Variants in FMN1 observed in about 807,000 individuals in gnomAD.
FMN1 encodes the protein formin-1.
In FMN1, 110 loss-of-function variants were observed where a neutral mutation model predicts 132.4. The ratio of observed to expected loss-of-function variants is 0.83; its 90% CI spans 0.71 to 0.97. The LOEUF is 0.97. FMN1 is among the 50% of genes least tolerant of loss of function. FMN1 has a pLI of 0.00. For missense variants in FMN1, 1,792 were observed against 1,705.3 expected, an observed-to-expected ratio of 1.05 and a Z score of -0.90; for synonymous variants, 722 against 651.7, an observed-to-expected ratio of 1.11 and a Z score of -1.64.
At chr15:32,786,312 A>C (rs770283925) in intron 19 of FMN1, among the ~76,000 whole-genome samples, 30 of 152,186 alleles carry the variant, frequency 2.0e-4, no homozygotes, top group Middle Eastern at 6.3e-3. Flanking sequence ...ATGGTGAATA[A>C]GGTTTCCGTG....
At chr15:32,978,425 G>GAT (rs2032385309) in intron 7 of FMN1, among the ~76,000 whole-genome samples, 1 of 152,014 alleles carries the variant, frequency 6.6e-6, no homozygotes, top group African/African-American at 2.4e-5. Flanking sequence ...TCACAAAATG[G>GAT]ATATATATCC....
intron 17 of FMN1, among the ~76,000 whole-genome samples, chr15:32,841,798 G>A (rs775403350): frequency 6.6e-6 from 1 of 152,194 alleles, no homozygotes; most frequent in Non-Finnish European, 1.5e-5. Flanking sequence ...ACGAGAACCA[G>A]AACAGATATG....
intron 19 of FMN1, among the ~76,000 whole-genome samples, chr15:32,787,337 C>A (rs2056913274): frequency 6.6e-6 from 1 of 152,192 alleles, no homozygotes; most frequent in South Asian, 2.1e-4. Flanking sequence ...TTATCCCAGG[C>A]AGGCCAACAA....
intron 16 of FMN1, among the ~76,000 whole-genome samples, chr15:32,864,146 CA>C (rs750363019): frequency 6.6e-6 from 1 of 152,144 alleles, no homozygotes; most frequent in Non-Finnish European, 1.5e-5. Flanking sequence ...AAAGGCCACA[CA>C]AAGGGAGGTT....
chr15:33,034,343 T>TCCA (rs1213181036), intron 6 of FMN1, among the ~76,000 whole-genome samples: 2 of 152,108 alleles, frequency 1.3e-5, no homozygotes, highest in African/African-American at 4.8e-5. Flanking sequence ...GGCCAAGGGT[T>TCCA]CCAGGAAGAC....
chr15:33,007,772 A>G (rs748162921), intron 7 of FMN1, among the ~76,000 whole-genome samples: 1 of 152,242 alleles, frequency 6.6e-6, no homozygotes, highest in Non-Finnish European at 1.5e-5. Context: ...TAAAAATAAA[A>G]TAATCATTTT....
chr15:32,838,475 A>G (rs2058675422), intron 17 of FMN1, among the ~76,000 whole-genome samples: 1 of 11,742 alleles, frequency 8.5e-5, no homozygotes, highest in Admixed American at 2.2e-3. Context: ...TAGCAGGCGC[A>G]GTGAATGCTC....
intron 4 of FMN1, among the ~76,000 whole-genome samples, chr15:33,140,159 A>C (rs896566164): frequency 3.3e-5 from 5 of 149,966 alleles, no homozygotes; most frequent in Admixed American, 2.0e-4. Flanking sequence ...AATAAAATTT[A>C]TTTTGTCCCT....
At chr15:32,948,587 T>A (rs1448166556) in intron 9 of FMN1, among the ~76,000 whole-genome samples, 1 of 152,084 alleles carries the variant, frequency 6.6e-6, no homozygotes, top group African/African-American at 2.4e-5. Flanking sequence ...GTGATCTACT[T>A]CTTGACTGTT....
intron 7 of FMN1, among the ~76,000 whole-genome samples, chr15:32,983,268 A>G (rs2032824036): frequency 6.6e-6 from 1 of 152,226 alleles, no homozygotes; most frequent in South Asian, 2.1e-4. Context: ...TCAACAGACT[A>G]TATATTGCAT....
rs116837790 is a variant in FMN1 at position 32,848,748 on chromosome 15, A to G, written c.3928+8267T>C. ...CAAAAAAAATTTGTTTACTATTTTA[A>G]GAGGTACTCACTGGTTAAAACACCC... On this transcript the variant is annotated intron_variant, in intron 17 of 20. Coordinates refer to ENST00000616417, the MANE Select transcript of FMN1 (RefSeq NM_001277313.2). Among the ~76,000 whole-genome samples, 278 of 152,346 alleles carry G rather than the reference A, an allele frequency of 1.8e-3. 1 individual carries two copies. The highest frequency in any genetic ancestry group is 6.4e-3 in the African/African-American group (266 of 41,586).
Position 32,827,846 on chromosome 15 carries a change from GA to G in FMN1, c.3929-23515del, listed in dbSNP as rs1049599419. ...GTGACAGAGCAAGACTCCGTCTCAA[GA>G]AAAAAAAAAAAAGGACATACAGATT... is the stretch of plus-strand genomic sequence containing the variant. On this transcript the variant is annotated intron_variant, in intron 17 of 20. Transcript: ENST00000616417. Among the ~76,000 whole-genome samples, 496 of 121,050 alleles carry G rather than the reference GA, an allele frequency of 4.1e-3. 2 individuals are homozygous for G. Among genetic ancestry groups the G allele is most frequent in the Middle Eastern group, 0.013 (3 of 228 alleles). 79.4% of individuals were successfully genotyped at this position (121,050 alleles called of 152,430 possible).
intron 4 of FMN1, among the ~76,000 whole-genome samples, chr15:33,129,612 C>T (rs1027462177): frequency 6.6e-6 from 1 of 152,134 alleles, no homozygotes; most frequent in Non-Finnish European, 1.5e-5. Context: ...TCGTGGGTGT[C>T]ACCCCAATCC....
At chr15:32,899,663 C>T (rs1446044891) in intron 14 of FMN1, 3 of 311,220 alleles carry the variant, frequency 9.6e-6, no homozygotes, top group Non-Finnish European at 1.8e-5. Flanking sequence ...CCAGCCTTTG[C>T]AGGATCCTGG....
At chr15:32,961,618 T>G (rs941965163) in intron 9 of FMN1, among the ~76,000 whole-genome samples, 1 of 152,132 alleles carries the variant, frequency 6.6e-6, no homozygotes, top group Non-Finnish European at 1.5e-5. Flanking sequence ...ATGGTAGCCG[T>G]AGTAGTAACA....
At chr15:33,012,318 A>C (rs2034775309) in intron 6 of FMN1, 4 of 787,996 alleles carry the variant, frequency 5.1e-6, no homozygotes, top group Non-Finnish European at 9.0e-6. Context: ...ACCGTGGAGG[A>C]GGCAGATGCA....
intron 9 of FMN1, among the ~76,000 whole-genome samples, chr15:32,936,551 C>T (rs1012077073): frequency 5.9e-5 from 9 of 152,136 alleles, no homozygotes; most frequent in African/African-American, 1.9e-4. Context: ...TGTCCAGCTC[C>T]TTTTTGTTCT....
At chr15:32,806,495 T>G (rs1299738686) in intron 17 of FMN1, among the ~76,000 whole-genome samples, 1 of 152,242 alleles carries the variant, frequency 6.6e-6, no homozygotes, top group South Asian at 2.1e-4. Context: ...TCTTCCTCAT[T>G]GATTTTAAAA....
At chr15:33,077,421 T>C (rs1435500802) in intron 5 of FMN1, among the ~76,000 whole-genome samples, 1 of 151,136 alleles carries the variant, frequency 6.6e-6, no homozygotes, top group Non-Finnish European at 1.5e-5. Flanking sequence ...ACATGCAGGT[T>C]TGTTACATAT....
Sources: gnomAD v4.1 joint callset for allele counts (sites outside exome capture counted in the v4.1 genomes callset) on GRCh38, gnomAD v4.1.1 for gene constraint, MANE v1.5 for transcripts, NCBI Gene and HGNC (gene_info 2026-07-23, HGNC 2026-07-21) for gene names.